The following GRIK2 variants were observed in gnomAD, a reference collection of about 807,000 sequenced individuals.
GRIK2 encodes the protein glutamate ionotropic receptor kainate type subunit 2, also known as glutamate receptor ionotropic, kainate 2.
GRIK2 carries 32 observed loss-of-function variants against 100.3 expected under a neutral mutation model. The ratio of observed to expected loss-of-function variants is 0.32; its 90% CI spans 0.24 to 0.43. GRIK2 has a LOEUF of 0.43. Among genes scored for constraint, GRIK2 ranks in the 20% least tolerant of loss-of-function variants. The pLI is 1.00. For synonymous variants in GRIK2, 417 were observed against 389.4 expected (o/e 1.07, Z -0.83); for missense variants, 843 against 1,114.9 (o/e 0.76, Z 3.47).
At chr6:101,937,472 C>T (rs140113144) in intron 14 of GRIK2, among the ~76,000 whole-genome samples, 10 of 152,182 alleles carry the variant, frequency 6.6e-5, no homozygotes, top group Non-Finnish European at 1.0e-4. Context: ...TTCATAGCCA[C>T]TGGTTAGGCA....
chr6:101,698,701 A>C (rs1772670485), intron 7 of GRIK2, among the ~76,000 whole-genome samples: 2 of 152,182 alleles, frequency 1.3e-5, no homozygotes, highest in Non-Finnish European at 2.9e-5. Flanking sequence ...GGATAAGAAA[A>C]ATATAAATAA....
intron 7 of GRIK2, among the ~76,000 whole-genome samples, chr6:101,720,226 T>A (rs189927354): frequency 3.3e-5 from 5 of 151,982 alleles, no homozygotes; most frequent in African/African-American, 1.2e-4. Flanking sequence ...CAGCCCACAC[T>A]GTCAGAAAAA....
At chr6:101,523,720 CTTTTT>C (rs1163558120) in intron 2 of GRIK2, among the ~76,000 whole-genome samples, 6 of 121,526 alleles carry the variant, frequency 4.9e-5, no homozygotes, top group Admixed American at 8.7e-5. Flanking sequence ...ACTCCTAAGT[CTTTTT>C]TTTTTTTTTT....
At chr6:101,565,149 C>T (rs1019675280) in intron 2 of GRIK2, among the ~76,000 whole-genome samples, 3 of 152,200 alleles carry the variant, frequency 2.0e-5, no homozygotes, top group African/African-American at 7.2e-5. Context: ...AACATCTGCA[C>T]TTGATTTACC....
intron 2 of GRIK2, among the ~76,000 whole-genome samples, chr6:101,554,062 T>C (rs1776629467): frequency 6.6e-6 from 1 of 152,234 alleles, no homozygotes; most frequent in Non-Finnish European, 1.5e-5. Flanking sequence ...ATATGTGACC[T>C]GGCACCAGAA....
intron 2 of GRIK2, among the ~76,000 whole-genome samples, chr6:101,470,386 C>T (rs1424914112): frequency 1.3e-5 from 2 of 152,124 alleles, no homozygotes; most frequent in Non-Finnish European, 2.9e-5. Context: ...TTATTGTGGC[C>T]TCTGTTGCTT....
At chr6:101,578,241 A>T (rs1050519348) in intron 2 of GRIK2, among the ~76,000 whole-genome samples, 1 of 152,196 alleles carries the variant, frequency 6.6e-6, no homozygotes, top group Non-Finnish European at 1.5e-5. Flanking sequence ...CCAATTTAGA[A>T]GAAATGAACA....
intron 7 of GRIK2, among the ~76,000 whole-genome samples, chr6:101,731,674 ATGT>A (rs1013256179): frequency 2.4e-4 from 36 of 151,996 alleles, no homozygotes; most frequent in African/African-American, 7.2e-4. Context: ...AACCAGGAAA[ATGT>A]TGTAATCTAT....
intron 2 of GRIK2, among the ~76,000 whole-genome samples, chr6:101,526,551 A>G (rs1033369999): frequency 2.0e-5 from 3 of 152,158 alleles, no homozygotes; most frequent in Non-Finnish European, 2.9e-5. Context: ...AAGGGCTGAT[A>G]TATTGGTTAG....
At chr6:101,706,968 T>A (rs1385003556) in intron 7 of GRIK2, among the ~76,000 whole-genome samples, 3 of 151,872 alleles carry the variant, frequency 2.0e-5, no homozygotes, top group Non-Finnish European at 4.4e-5. Flanking sequence ...AAGTTGTTGC[T>A]AAGAAGATAT....
At chr6:101,890,698 G>A (rs1786994588) in intron 12 of GRIK2, among the ~76,000 whole-genome samples, 1 of 151,984 alleles carries the variant, frequency 6.6e-6, no homozygotes, top group South Asian at 2.1e-4. Flanking sequence ...TCTCGGAGGT[G>A]TAAATTTATA....
chr6:102,010,857 TAG>T (rs1366199655), intron 14 of GRIK2, among the ~76,000 whole-genome samples: 1 of 152,104 alleles, frequency 6.6e-6, no homozygotes, highest in African/African-American at 2.4e-5. Flanking sequence ...CTTTCTTGGG[TAG>T]AGAGTTCATT....
intron 7 of GRIK2, among the ~76,000 whole-genome samples, chr6:101,711,464 CTAAA>C (rs1022087415): frequency 2.0e-4 from 30 of 151,744 alleles, no homozygotes; most frequent in Admixed American, 5.3e-4. Context: ...TATGATCTCT[CTAAA>C]TATATAGTAG....
At chr6:102,031,076 T>TACACAC (rs55900001) in intron 14 of GRIK2, among the ~76,000 whole-genome samples, 2,923 of 118,312 alleles carry the variant, frequency 0.025, 42 homozygotes, top group Admixed American at 0.039. Flanking sequence ...TATTATGCAT[T>TACACAC]ACACACACAC....
rs5878701 is a variant in GRIK2 at position 101,891,516 on chromosome 6, C to CAAAAA, written c.1748+1670_1748+1674dup. 9.1e-4 allele frequency: 181 copies of CAAAAA among 198,310 alleles called. 3 individuals are homozygous for CAAAAA. The highest frequency in any genetic ancestry group is 7.9e-3 in the African/African-American group (124 of 15,646). 12.3% of individuals were successfully genotyped at this position (198,310 alleles called of 1,614,324 possible). ...TGGGAGATATAGCAGGACTCCATCT[C>CAAAAA]AAAAAAAAAAAAAAAAAAAAAGGTG... On this transcript the variant is annotated intron_variant, in intron 12 of 16. Coordinates refer to ENST00000369134, the MANE Select transcript of GRIK2 (RefSeq NM_021956.5).
At chr6:101,764,949 CT>C (rs1389923136) in intron 7 of GRIK2, among the ~76,000 whole-genome samples, 1 of 151,904 alleles carries the variant, frequency 6.6e-6, no homozygotes, top group Non-Finnish European at 1.5e-5. Context: ...TACTTATTAC[CT>C]TCTCCAGCCT....
chr6:101,420,973 G>T (rs1006148503), intron 2 of GRIK2, among the ~76,000 whole-genome samples: 1 of 152,108 alleles, frequency 6.6e-6, no homozygotes, highest in African/African-American at 2.4e-5. Context: ...AAAAGACATG[G>T]GGCCAGTGCT....
chr6:101,700,422 A>T (rs2128352101), intron 7 of GRIK2, among the ~76,000 whole-genome samples: 1 of 152,178 alleles, frequency 6.6e-6, no homozygotes, highest in East Asian at 1.9e-4. Context: ...TGAGAGTAGG[A>T]AGGCCATTTA....
intron 7 of GRIK2, among the ~76,000 whole-genome samples, chr6:101,767,137 A>G (rs1190799293): frequency 6.6e-6 from 1 of 152,204 alleles, no homozygotes; most frequent in Non-Finnish European, 1.5e-5. Flanking sequence ...AATAACTGCT[A>G]CTTTTAATTG....
Sources: allele counts gnomAD v4.1 joint callset (sites outside exome capture counted in the v4.1 genomes callset), GRCh38; gene constraint gnomAD v4.1.1; transcripts MANE v1.5; gene names NCBI Gene and HGNC (gene_info 2026-07-23, HGNC 2026-07-21).